Variants in BMP3 observed in about 807,000 individuals in gnomAD.
The protein encoded by BMP3 is bone morphogenetic protein 3 (osteogenic).
A neutral mutation model predicts 38.1 loss-of-function variants in BMP3; 23 were observed. The observed-to-expected ratio is 0.60, with a 90% CI of 0.43 to 0.86. The LOEUF is 0.86. BMP3 is among the 40% of genes least tolerant of loss of function. The pLI is 0.00. For missense variants in BMP3, 628 were observed against 579.6 expected (o/e 1.08, Z -0.86); for synonymous variants, 258 against 225.7 (o/e 1.14, Z -1.28).
In BMP3 at chr4:81,031,443, A is replaced by G. The variant is rs1030717907; in HGVS notation, c.159A>G (p.Gln53=). The G allele has an allele frequency of 1.2e-6, 2 of 1,613,750 alleles. No individual in the cohort carries two copies. The highest frequency in any genetic ancestry group is 1.7e-5 in the Admixed American group (1 of 59,996). Residue 53 remains glutamine, a synonymous_variant, in exon 1 of 3, where the codon CAA becomes CAG. Coordinates refer to ENST00000282701, the MANE Select transcript of BMP3 (RefSeq NM_001201.5). ...GGGPDSELQP[Q]DKVSEHMLRL... is the part of the protein sequence containing the mutation. ...GCCCGGACTCCGAGCTGCAGCCGCA[A>G]GACAAGGTCTCTGAACACATGCTGC...
At chr4:81,031,705 G>A (rs1739776871) in intron 1 of BMP3, 105 bp downstream of exon 1, 1 of 1,357,926 alleles carries the variant, frequency 7.4e-7, no homozygotes, top group East Asian at 2.5e-5. Context: ...CGCTGCCTAG[G>A]GACCTTTCTC....
At position 81,045,720 on chromosome 4, in the gene BMP3, T is replaced by C. The variant is rs1377549538; in HGVS notation, c.317-18T>C. ...GTCTTGTTTTCTCCTGTTTACTCTC[T>C]TTCTTTTTCCTTCCTAGAAACTCTT... On this transcript the variant is annotated intron_variant, in intron 1 of 2. Transcript: ENST00000282701. 3 of 1,548,380 alleles carry C rather than the reference T, an allele frequency of 1.9e-6. No homozygotes were observed. The highest frequency in any genetic ancestry group is 1.3e-5 in the South Asian group (1 of 79,572).
At chr4:81,036,313 T>C (rs1460910205) in intron 1 of BMP3, among the ~76,000 whole-genome samples, 3 of 152,016 alleles carry the variant, frequency 2.0e-5, no homozygotes, top group African/African-American at 4.8e-5. Context: ...AAATTCCTTA[T>C]ATTATAAATC....
chr4:81,044,118 G>C (rs74485476), intron 1 of BMP3, among the ~76,000 whole-genome samples: 18,414 of 152,184 alleles, frequency 0.12, 1,291 homozygotes, highest in African/African-American at 0.18. Context: ...AAGTGGCTGA[G>C]CGAGTACTCG....
Position 81,031,014 on chromosome 4 carries a change from T to G in BMP3, c.-271T>G, listed in dbSNP as rs1333298547. The G allele has an allele frequency of 2.1e-6, 1 of 472,376 alleles. No individual in the cohort carries two copies. Among genetic ancestry groups the G allele is most frequent in the East Asian group, 3.8e-5 (1 of 26,016 alleles). The allele number at this position is 472,376 out of a possible 1,614,324, so 29.3% of individuals were successfully genotyped here. On this transcript the variant is annotated 5_prime_UTR_variant, in exon 1 of 3. Coordinates refer to ENST00000282701, the MANE Select transcript of BMP3 (RefSeq NM_001201.5). ...ACACGCCGCGACCTACAGCTCTTTC[T>G]CAGCGTTGGAGTGGAGACGGCGCCC...
chr4:81,039,300 AAAATGTTTTCCCTGCTTCCTG>A (rs1457600716), intron 1 of BMP3, among the ~76,000 whole-genome samples: 2 of 152,206 alleles, frequency 1.3e-5, no homozygotes, highest in Non-Finnish European at 2.9e-5. Flanking sequence ...CTGTATGACT[AAAATGTTTTCCCTGCTTCCTG>A]GGGATTTAGC....
intron 1 of BMP3, among the ~76,000 whole-genome samples, chr4:81,036,442 T>C (rs1578293989): frequency 6.6e-6 from 1 of 152,042 alleles, no homozygotes. Flanking sequence ...ATTTTTGTGC[T>C]TCAGTAACAG....
chr4:81,034,545 T>TA, intron 1 of BMP3, among the ~76,000 whole-genome samples: 1 of 152,322 alleles, frequency 6.6e-6, no homozygotes, highest in South Asian at 2.1e-4. Context: ...TTCCTTTTCT[T>TA]AATGACAAAT....
chr4:81,045,807 C>G lies in BMP3; in HGVS notation c.386C>G (p.Ser129Cys). Reference protein sequence around the residue: ...TSLTKSENILSATLYFCIGEL... With the variant: ...TSLTKSENILCATLYFCIGEL... ...CTAACCAAGTCTGAAAACATTTTGT[C>G]TGCCACACTGTATTTCTGTATTGGA... The change falls in exon 2 of 3, where the codon TCT (serine) becomes TGT (cysteine). Residue 129 changes from serine (S) to cysteine (C), a missense_variant. Ser to Cys is a moderately radical substitution (Grantham distance 112). Coordinates refer to ENST00000282701, the MANE Select transcript of BMP3 (RefSeq NM_001201.5). The G allele has an allele frequency of 6.2e-7, 1 of 1,613,872 alleles. No homozygotes were observed.
At chr4:81,033,498 C>T (rs927512030) in intron 1 of BMP3, among the ~76,000 whole-genome samples, 1 of 152,148 alleles carries the variant, frequency 6.6e-6, no homozygotes, top group African/African-American at 2.4e-5. Context: ...ATATACAAGG[C>T]TGTGTGCCCT....
At position 81,055,837 on chromosome 4, in the gene BMP3, A is replaced by C. The variant is rs184026863; in HGVS notation, c.*2301A>C. On this transcript the variant is annotated 3_prime_UTR_variant, in exon 3 of 3. Transcript: ENST00000282701. Reference sequence around the variant, plus strand: ...AACTAGTTAAGATTATATTTTAAGTAGCAATTGATATAAAATTACAACACA... The same window carrying C: ...AACTAGTTAAGATTATATTTTAAGTCGCAATTGATATAAAATTACAACACA... 6.6e-6 allele frequency: 1 copy of C among 152,336 alleles called. No individual in the cohort carries two copies. Among genetic ancestry groups the C allele is most frequent in the African/African-American group, 2.4e-5 (1 of 41,590 alleles). 9.4% of individuals were successfully genotyped at this position (152,336 alleles called of 1,614,324 possible). A position where few individuals can be genotyped will look rare whatever the true frequency, so the allele number is the denominator to read the frequency against.
At chr4:81,043,161 G>T (rs908675642) in intron 1 of BMP3, among the ~76,000 whole-genome samples, 2 of 152,170 alleles carry the variant, frequency 1.3e-5, no homozygotes, top group Non-Finnish European at 1.5e-5. Flanking sequence ...TCACGATTGC[G>T]TGTGTGTTTC....
chr4:81,031,444 G>C lies in BMP3; in HGVS notation c.160G>C (p.Asp54His). The C allele has an allele frequency of 6.2e-7, 1 of 1,613,828 alleles. No homozygotes were observed. Among genetic ancestry groups the C allele is most frequent in the Non-Finnish European group, 8.5e-7 (1 of 1,179,904 alleles). ...CCCGGACTCCGAGCTGCAGCCGCAA[G>C]ACAAGGTCTCTGAACACATGCTGCG... ...GGPDSELQPQ[D>H]KVSEHMLRLY... The change falls in exon 1 of 3, where the codon GAC (aspartate) becomes CAC (histidine). Residue 54 changes from aspartate to histidine, a missense_variant. By Grantham distance (81) the Asp-to-His change is moderately conservative. Coordinates refer to ENST00000282701, the MANE Select transcript of BMP3 (RefSeq NM_001201.5).
At chr4:81,031,623 C>T (rs751254327) in intron 1 of BMP3, 23 bp downstream of exon 1, 1 of 1,543,044 alleles carries the variant, frequency 6.5e-7, no homozygotes, top group Middle Eastern at 1.7e-4. Flanking sequence ...GGTGAGACTC[C>T]CTTCCCGCGG....
intron 1 of BMP3, among the ~76,000 whole-genome samples, chr4:81,043,977 T>A (rs553543122): frequency 6.6e-6 from 1 of 152,168 alleles, no homozygotes; most frequent in Non-Finnish European, 1.5e-5. Context: ...TAATTGATAT[T>A]TAAGAAACAC....
At chr4:81,041,235 T>C (rs974831515) in intron 1 of BMP3, among the ~76,000 whole-genome samples, 4 of 152,238 alleles carry the variant, frequency 2.6e-5, no homozygotes, top group Admixed American at 6.5e-5. Flanking sequence ...CTTCTCTATA[T>C]ACATTCACTT....
intron 1 of BMP3, among the ~76,000 whole-genome samples, chr4:81,042,711 A>C (rs1740112573): frequency 6.6e-6 from 1 of 152,242 alleles, no homozygotes; most frequent in Non-Finnish European, 1.5e-5. Flanking sequence ...TTTACCCATT[A>C]AGTTACTGCC....
chr4:81,054,201 T>C lies in BMP3; in HGVS notation c.*665T>C, dbSNP rs1423057577. 6.6e-6 allele frequency: 1 copy of C among 152,628 alleles called. No homozygotes were observed. Among genetic ancestry groups the C allele is most frequent in the African/African-American group, 2.4e-5 (1 of 41,444 alleles). The allele number at this position is 152,628 out of a possible 1,614,324, so 9.5% of individuals were successfully genotyped here. On this transcript the variant is annotated 3_prime_UTR_variant, in exon 3 of 3. Coordinates refer to ENST00000282701, the MANE Select transcript of BMP3 (RefSeq NM_001201.5). Reference sequence around the variant, plus strand: ...GGATTCTTTATTTTTTTTAATTTTGTATTTTGGCAAACACCATTCAGTTAT... The same window carrying C: ...GGATTCTTTATTTTTTTTAATTTTGCATTTTGGCAAACACCATTCAGTTAT...
Position 81,053,698 on chromosome 4 carries a change from A to G in BMP3, c.*162A>G, listed in dbSNP as rs1740467348. 2.3e-6 allele frequency: 1 copy of G among 443,364 alleles called. No homozygotes were observed. Among genetic ancestry groups the G allele is most frequent in the Non-Finnish European group, 3.7e-6 (1 of 270,330 alleles). 27.5% of individuals were successfully genotyped at this position (443,364 alleles called of 1,614,324 possible). ...ATGAGCAAATAGACTGAAGATTGCC[A>G]CCAAGGAAAAGAACTGTATTTGTTT... is the stretch of plus-strand genomic sequence containing the variant. On this transcript the variant is annotated 3_prime_UTR_variant, in exon 3 of 3. Transcript: ENST00000282701.
Sources: allele counts gnomAD v4.1 joint callset (sites outside exome capture counted in the v4.1 genomes callset), GRCh38; gene constraint gnomAD v4.1.1; transcripts MANE v1.5; gene names NCBI Gene and HGNC (gene_info 2026-07-23, HGNC 2026-07-21).